Variants in FAM227B observed in about 807,000 individuals in gnomAD.
FAM227B encodes family with sequence similarity 227 member B.
Under a neutral mutation model 73.8 loss-of-function variants are expected in FAM227B, and 88 were observed. The observed-to-expected ratio is 1.19, with a 90% CI of 1.00 to 1.42. The LOEUF is 1.42. FAM227B is among the 40% of genes most tolerant of loss of function. The pLI is 0.00. For synonymous variants in FAM227B, 210 were observed against 190.5 expected, an observed-to-expected ratio of 1.10 and a Z score of -0.84; for missense variants, 632 against 590.9, an observed-to-expected ratio of 1.07 and a Z score of -0.72.
intron 13 of FAM227B, among the ~76,000 whole-genome samples, chr15:49,341,929 T>A (rs1327400998): frequency 1.3e-5 from 2 of 152,242 alleles, no homozygotes; most frequent in Non-Finnish European, 2.9e-5. Context: ...TTTGAATTTA[T>A]CAAAACTGCT....
intron 10 of FAM227B, among the ~76,000 whole-genome samples, chr15:49,526,624 G>C (rs1409096411): frequency 6.6e-6 from 1 of 151,782 alleles, no homozygotes; most frequent in African/African-American, 2.4e-5. Flanking sequence ...TATTTGAAAG[G>C]AGAAACAAGA....
Position 49,387,357 on chromosome 15 carries a change from G to A in FAM227B, c.1013-15958C>T, listed in dbSNP as rs148558329. Among the ~76,000 whole-genome samples, 322 of 151,896 alleles carry A rather than the reference G, an allele frequency of 2.1e-3. 4 individuals are homozygous for A. The highest frequency in any genetic ancestry group is 2.7e-3 in the Non-Finnish European group (181 of 67,816). On this transcript the variant is annotated intron_variant, in intron 11 of 15. Coordinates refer to ENST00000299338, the MANE Select transcript of FAM227B (RefSeq NM_152647.3). Reference sequence around the variant, plus strand: ...GTTTAATATACGCAAGTCAGTAAGTGTAATACATCACATAAACAGAATTAA... The same window carrying A: ...GTTTAATATACGCAAGTCAGTAAGTATAATACATCACATAAACAGAATTAA...
intron 11 of FAM227B, among the ~76,000 whole-genome samples, chr15:49,437,959 A>C (rs2899435): frequency 0.89 from 134,322 of 151,342 alleles, 61,514 homozygotes; most frequent in Non-Finnish European, 0.99. Context: ...CTCAAAGAGC[A>C]GGTGGGAGTG....
intron 11 of FAM227B, among the ~76,000 whole-genome samples, chr15:49,422,145 A>AGAGT (rs757128514): frequency 6.0e-4 from 84 of 139,912 alleles, no homozygotes; most frequent in Non-Finnish European, 1.1e-3. Context: ...AGAGAGAGAG[A>AGAGT]GTGTGTGTGT....
intron 1 of FAM227B, among the ~76,000 whole-genome samples, chr15:49,618,502 G>A (rs2153346304): frequency 6.6e-6 from 1 of 152,330 alleles, no homozygotes; most frequent in Non-Finnish European, 1.5e-5. Flanking sequence ...TGTATTAAAA[G>A]TTAATGCGAT....
At chr15:49,550,153 AG>A (rs1356957442) in intron 9 of FAM227B, among the ~76,000 whole-genome samples, 2 of 94,288 alleles carry the variant, frequency 2.1e-5, no homozygotes, top group Non-Finnish European at 4.2e-5. Context: ...CTGGCCGGGC[AG>A]GGGGCTGATC....
intron 5 of FAM227B, among the ~76,000 whole-genome samples, chr15:49,582,412 T>G (rs111655825): frequency 0.02 from 3,084 of 152,198 alleles, 46 homozygotes; most frequent in South Asian, 0.074. Flanking sequence ...AAGACTCAAT[T>G]CAACAAGAAG....
intron 5 of FAM227B, 99 bp from the exon 6 acceptor site, chr15:49,577,763 G>T: frequency 3.1e-6 from 2 of 648,998 alleles, no homozygotes; most frequent in Non-Finnish European, 5.2e-6. Flanking sequence ...GATAACTATA[G>T]ATATATGTAT....
At chr15:49,461,870 A>C (rs2151930721) in intron 11 of FAM227B, among the ~76,000 whole-genome samples, 1 of 152,334 alleles carries the variant, frequency 6.6e-6, no homozygotes. Flanking sequence ...TATCTAATAC[A>C]CATAGCTTTA....
At chr15:49,459,512 TTG>T (rs2053605066) in intron 11 of FAM227B, among the ~76,000 whole-genome samples, 1 of 152,138 alleles carries the variant, frequency 6.6e-6, no homozygotes, top group African/African-American at 2.4e-5. Flanking sequence ...CATTTCAGCA[TTG>T]TGTTAAGTGC....
At chr15:49,471,414 C>T (rs1028955500) in intron 11 of FAM227B, among the ~76,000 whole-genome samples, 1 of 150,924 alleles carries the variant, frequency 6.6e-6, no homozygotes, top group Non-Finnish European at 1.5e-5. Flanking sequence ...ACCTGAGAGG[C>T]GGAGGTTGTA....
intron 11 of FAM227B, among the ~76,000 whole-genome samples, chr15:49,493,944 A>T (rs1275345957): frequency 6.6e-6 from 1 of 151,846 alleles, no homozygotes; most frequent in African/African-American, 2.4e-5. Context: ...GCACTGTAAT[A>T]GTGTTAATAA....
At chr15:49,429,789 A>C (rs755996258) in intron 11 of FAM227B, among the ~76,000 whole-genome samples, 17 of 152,078 alleles carry the variant, frequency 1.1e-4, no homozygotes, top group Non-Finnish European at 2.4e-4. Flanking sequence ...GCCAGGGATG[A>C]GAACCACTGG....
rs75884134 is a variant in FAM227B at position 49,439,590 on chromosome 15, T to C, written c.1013-68191A>G. On this transcript the variant is annotated intron_variant, in intron 11 of 15. Coordinates refer to ENST00000299338, the MANE Select transcript of FAM227B (RefSeq NM_152647.3). ...ACATAAAATTAAGTTAAAGCAACAA[T>C]AGAAGAGAAACAGAGCAATAAGTTT... Among the ~76,000 whole-genome samples the C allele has an allele frequency of 2.7e-3, 415 of 151,800 alleles. 5 individuals are homozygous for C. The highest frequency in any genetic ancestry group is 9.4e-3 in the African/African-American group (390 of 41,454).
chr15:49,367,168 C>T (rs2045353078), intron 13 of FAM227B, among the ~76,000 whole-genome samples: 1 of 152,086 alleles, frequency 6.6e-6, no homozygotes, highest in African/African-American at 2.4e-5. Flanking sequence ...AGTAAAGTTG[C>T]AAAGATAGCC....
Position 49,366,782 on chromosome 15 carries a change from C to T in FAM227B, c.1271+666G>A, listed in dbSNP as rs1235842614. ...GCGCTGCCTCCGTGGCGGGGGCGGC[C>T]GGGCTAGGCTGGGATCGCCGCTGCT... On this transcript the variant is annotated intron_variant, in intron 13 of 15. Coordinates refer to ENST00000299338, the MANE Select transcript of FAM227B (RefSeq NM_152647.3). The T allele has an allele frequency of 2.3e-5, 14 of 615,488 alleles. 1 individual carries two copies. Among genetic ancestry groups the T allele is most frequent in the Non-Finnish European group, 3.3e-5 (12 of 364,956 alleles). The allele number at this position is 615,488 out of a possible 1,614,324, so 38.1% of individuals were successfully genotyped here. A position where few individuals can be genotyped will look rare whatever the true frequency, so the allele number is the denominator to read the frequency against.
rs570823638 is a variant in FAM227B, at chr15:49,439,904, T to C, written c.1012+68307A>G. On this transcript the variant is annotated intron_variant, in intron 11 of 15. Transcript: ENST00000299338. ...CATGAGATCATAGAGTCCAGAGATTTTGACATGAAGTTTGCAGATAGCCCT... is the reference window on the plus strand; with the variant it reads ...CATGAGATCATAGAGTCCAGAGATTCTGACATGAAGTTTGCAGATAGCCCT... Among the ~76,000 whole-genome samples the C allele has an allele frequency of 2.0e-5, 3 of 151,866 alleles. No individual in the cohort carries two copies. In the East Asian group the frequency reaches 5.8e-4, roughly 30 times the overall value.
chr15:49,480,474 AT>A (rs35283556), intron 11 of FAM227B, among the ~76,000 whole-genome samples: 16,776 of 100,404 alleles, frequency 0.17, 873 homozygotes, highest in Non-Finnish European at 0.22. Context: ...TGCCCAACTA[AT>A]TTTTTTTTTT....
At chr15:49,429,635 G>A (rs2050419561) in intron 11 of FAM227B, among the ~76,000 whole-genome samples, 1 of 151,790 alleles carries the variant, frequency 6.6e-6, no homozygotes, top group Non-Finnish European at 1.5e-5. Context: ...TCTCAACCTT[G>A]TCTAAATATT....
Sources: allele counts gnomAD v4.1 joint callset (sites outside exome capture counted in the v4.1 genomes callset), GRCh38; gene constraint gnomAD v4.1.1; transcripts MANE v1.5; gene names NCBI Gene and HGNC (gene_info 2026-07-23, HGNC 2026-07-21).